The following FBXW8 variants were observed in gnomAD, a reference collection of about 807,000 sequenced individuals.
The protein encoded by FBXW8 is F-box/WD repeat-containing protein 8.
In FBXW8, 57 loss-of-function variants were observed where a neutral mutation model predicts 65.3. The observed-to-expected ratio is 0.87, with a 90% CI of 0.71 to 1.09. FBXW8 has a LOEUF of 1.09. Ranked by LOEUF, FBXW8 falls within the 50% of genes least tolerant of loss-of-function variation. FBXW8 has a pLI of 0.00. For missense variants in FBXW8, 777 were observed against 814.8 expected (o/e 0.95, Z 0.57); for synonymous variants, 308 against 330.2 (o/e 0.93, Z 0.73).
chr12:116,989,602 C>G (rs960106862), intron 7 of FBXW8, among the ~76,000 whole-genome samples: 4 of 152,276 alleles, frequency 2.6e-5, no homozygotes, highest in African/African-American at 9.6e-5. Flanking sequence ...TTATCACTCC[C>G]TAGCATGTTA....
intron 5 of FBXW8, among the ~76,000 whole-genome samples, chr12:116,972,807 A>G (rs1246833057): frequency 2.6e-5 from 4 of 152,182 alleles, no homozygotes; most frequent in Non-Finnish European, 5.9e-5. Context: ...ATGTACATGT[A>G]TGTCGTATGT....
intron 10 of FBXW8, 53 bp from the exon 11 acceptor site, chr12:117,027,975 G>A (rs1954274031): frequency 1.9e-6 from 3 of 1,608,628 alleles, no homozygotes; most frequent in East Asian, 2.2e-5. Flanking sequence ...AGCGGCTGGG[G>A]TGAGGGCCAG....
chr12:117,016,681 T>A (rs1156972976), intron 8 of FBXW8, among the ~76,000 whole-genome samples: 4 of 151,984 alleles, frequency 2.6e-5, no homozygotes, highest in Admixed American at 2.6e-4. Context: ...GTGCTATGGA[T>A]GTCATAGCTA....
chr12:117,016,770 C>T (rs192764254), intron 8 of FBXW8, among the ~76,000 whole-genome samples: 120 of 152,084 alleles, frequency 7.9e-4, no homozygotes, highest in Admixed American at 2.0e-3. Flanking sequence ...TTGGCTCTTA[C>T]ACTGAGGTCT....
At chr12:117,020,349 G>GAT (rs923017684) in intron 8 of FBXW8, among the ~76,000 whole-genome samples, 7 of 152,084 alleles carry the variant, frequency 4.6e-5, no homozygotes, top group African/African-American at 1.4e-4. Context: ...TATACTCTTA[G>GAT]ATATGTATTT....
chr12:116,916,764 A>G (rs894626926), intron 1 of FBXW8, among the ~76,000 whole-genome samples: 1 of 152,126 alleles, frequency 6.6e-6, no homozygotes, highest in Non-Finnish European at 1.5e-5. Context: ...GCTTAAAACA[A>G]CCACGATTTA....
At chr12:116,985,135 CATGTTTTTAAA>C in intron 5 of FBXW8, 60 bp from the exon 6 acceptor site, 1 of 1,386,836 alleles carries the variant, frequency 7.2e-7, no homozygotes, top group Non-Finnish European at 9.6e-7. Flanking sequence ...CTTTGTGTTG[CATGTTTTTAAA>C]ATAATTGAAC....
chr12:116,941,548 A>C (rs1467776438), intron 2 of FBXW8, among the ~76,000 whole-genome samples: 4 of 152,202 alleles, frequency 2.6e-5, no homozygotes, highest in African/African-American at 9.6e-5. Context: ...ATGTGTCGTC[A>C]GTGTTAGGTT....
intron 5 of FBXW8, among the ~76,000 whole-genome samples, chr12:116,975,666 G>A (rs752294532): frequency 2.6e-5 from 4 of 152,202 alleles, no homozygotes; most frequent in Non-Finnish European, 5.9e-5. Flanking sequence ...AACATGGCCA[G>A]TAATGAAACT....
chr12:116,938,161 T>G (rs1159765568), intron 2 of FBXW8, among the ~76,000 whole-genome samples: 1 of 152,190 alleles, frequency 6.6e-6, no homozygotes, highest in Non-Finnish European at 1.5e-5. Flanking sequence ...TCCTTCAGAA[T>G]TAAAAGTCAT....
At chr12:117,027,994 C>G in intron 10 of FBXW8, 34 bp from the exon 11 acceptor site, 1 of 1,612,848 alleles carries the variant, frequency 6.2e-7, no homozygotes, top group Non-Finnish European at 8.5e-7. Flanking sequence ...AGCGAGGCAG[C>G]CCTGACCTGT....
At chr12:116,919,878 G>T (rs1880746203) in intron 1 of FBXW8, among the ~76,000 whole-genome samples, 1 of 152,222 alleles carries the variant, frequency 6.6e-6, no homozygotes, top group Non-Finnish European at 1.5e-5. Flanking sequence ...TAACCTGTCA[G>T]ATCCTGCATC....
chr12:116,953,499 C>T (rs1440587464), intron 4 of FBXW8, among the ~76,000 whole-genome samples: 6 of 152,120 alleles, frequency 3.9e-5, no homozygotes, highest in East Asian at 1.9e-4. Flanking sequence ...CGGCTGGGCG[C>T]GGTGGCTCAC....
intron 5 of FBXW8, among the ~76,000 whole-genome samples, chr12:116,968,995 T>A (rs1169307351): frequency 6.6e-6 from 1 of 152,210 alleles, no homozygotes; most frequent in Non-Finnish European, 1.5e-5. Flanking sequence ...CCTAACTGGT[T>A]TGAGGTGCTG....
At chr12:116,937,340 C>A (rs1174117675) in intron 2 of FBXW8, among the ~76,000 whole-genome samples, 1 of 152,092 alleles carries the variant, frequency 6.6e-6, no homozygotes, top group Non-Finnish European at 1.5e-5. Context: ...CAAATGAGAA[C>A]ATTAAGGAAG....
At chr12:116,953,496 G>T (rs1018585335) in intron 4 of FBXW8, among the ~76,000 whole-genome samples, 10 of 152,234 alleles carry the variant, frequency 6.6e-5, no homozygotes, top group Admixed American at 4.6e-4. Context: ...AGCCGGCTGG[G>T]CGCGGTGGCT....
intron 4 of FBXW8, among the ~76,000 whole-genome samples, chr12:116,952,179 A>T (rs1883328509): frequency 6.6e-6 from 1 of 152,166 alleles, no homozygotes; most frequent in African/African-American, 2.4e-5. Flanking sequence ...CGTTTTAGTC[A>T]ATGATGGGCC....
intron 9 of FBXW8, among the ~76,000 whole-genome samples, chr12:117,025,807 A>G (rs1238458328): frequency 6.6e-6 from 1 of 152,196 alleles, no homozygotes; most frequent in Non-Finnish European, 1.5e-5. Flanking sequence ...TCAGCCATCC[A>G]GGTCCTCAGG....
intron 6 of FBXW8, chr12:116,986,276 T>C (rs919694309): frequency 3.9e-4 from 59 of 152,134 alleles, no homozygotes; most frequent in African/African-American, 1.2e-3. Context: ...GCACTTTGAG[T>C]ATAGTGCTCC....
Sources: gnomAD v4.1 joint callset for allele counts (sites outside exome capture counted in the v4.1 genomes callset) on GRCh38, gnomAD v4.1.1 for gene constraint, MANE v1.5 for transcripts, NCBI Gene and HGNC (gene_info 2026-07-23, HGNC 2026-07-21) for gene names.